Variants in TTC28 observed in about 807,000 individuals in gnomAD.
The protein encoded by TTC28 is tetratricopeptide repeat domain 28, also known as tetratricopeptide repeat protein 28.
Under a neutral mutation model 198.0 loss-of-function variants are expected in TTC28, and 61 were observed. The observed-to-expected ratio is 0.31, with a 90% CI of 0.25 to 0.38. The LOEUF (loss-of-function observed/expected upper bound fraction) is 0.38. Ranked by LOEUF, TTC28 falls within the 10% of genes least tolerant of loss-of-function variation. The pLI, the probability that TTC28 is intolerant of heterozygous loss-of-function variation, is 1.00. For missense variants in TTC28, 2,678 were observed against 3,164.0 expected (o/e 0.85, Z 3.69); for synonymous variants, 1,171 against 1,297.8 (o/e 0.90, Z 2.10).
intron 2 of TTC28, among the ~76,000 whole-genome samples, chr22:28,404,770 A>C (rs1214534601): frequency 6.6e-6 from 1 of 152,184 alleles, no homozygotes; most frequent in Non-Finnish European, 1.5e-5. Flanking sequence ...AGAAGGGCAG[A>C]GTTTTAAGGG....
At chr22:28,547,773 A>T (rs1420713056) in intron 2 of TTC28, among the ~76,000 whole-genome samples, 1 of 152,034 alleles carries the variant, frequency 6.6e-6, no homozygotes, top group Non-Finnish European at 1.5e-5. Flanking sequence ...GAAAAGTAGC[A>T]TAAAATAACT....
chr22:28,224,914 G>A (rs1281728943), intron 5 of TTC28, among the ~76,000 whole-genome samples: 1 of 152,154 alleles, frequency 6.6e-6, no homozygotes, highest in Non-Finnish European at 1.5e-5. Context: ...TCAACCCTGA[G>A]ATACATAACT....
At chr22:28,533,578 C>T (rs995881523) in intron 2 of TTC28, among the ~76,000 whole-genome samples, 2 of 152,164 alleles carry the variant, frequency 1.3e-5, no homozygotes, top group Non-Finnish European at 2.9e-5. Context: ...TCATATGGAA[C>T]CAAAACAGAG....
At chr22:28,214,536 C>A (rs1465140712) in intron 5 of TTC28, among the ~76,000 whole-genome samples, 2 of 152,194 alleles carry the variant, frequency 1.3e-5, no homozygotes, top group African/African-American at 4.8e-5. Flanking sequence ...AAAAATTGCT[C>A]ATCATCAATG....
intron 2 of TTC28, among the ~76,000 whole-genome samples, chr22:28,499,603 T>C (rs1057321925): frequency 1.3e-5 from 2 of 152,152 alleles, no homozygotes; most frequent in African/African-American, 2.4e-5. Context: ...AAGTATATCA[T>C]ATAGAGAGAT....
intron 5 of TTC28, among the ~76,000 whole-genome samples, chr22:28,239,023 C>T (rs1929465777): frequency 6.6e-6 from 1 of 152,124 alleles, no homozygotes; most frequent in Non-Finnish European, 1.5e-5. Context: ...AACAGAGTAA[C>T]TGTAAGGTTC....
At chr22:28,468,685 G>A (rs1373458424) in intron 2 of TTC28, among the ~76,000 whole-genome samples, 10 of 136,720 alleles carry the variant, frequency 7.3e-5, no homozygotes, top group African/African-American at 1.3e-4. Flanking sequence ...CAACTCGCCC[G>A]GCTAATTTTT....
At chr22:28,580,779 G>T (rs6005821) in intron 2 of TTC28, among the ~76,000 whole-genome samples, 93 of 151,944 alleles carry the variant, frequency 6.1e-4, no homozygotes, top group African/African-American at 2.1e-3. Flanking sequence ...TCTGATTTTT[G>T]GGAGAAAACC....
chr22:28,107,215 C>A lies in TTC28; in HGVS notation c.2630G>T (p.Gly877Val), dbSNP rs920822617. ...ATCCCCCAGGTTGCCATAGGCCCGGCCCCTGTCGAGCACAGACTCATTTCC... is the reference window on the plus strand; with the variant it reads ...ATCCCCCAGGTTGCCATAGGCCCGGACCCTGTCGAGCACAGACTCATTTCC... ...LSGNESVLDR[G>V]RAYGNLGDCY... Residue 877 changes from glycine (G) to valine (V), a missense_variant, in exon 7 of 23, where the codon GGC becomes GTC. Physicochemically the swap from Gly to Val is moderately radical, Grantham distance 109 (BLOSUM62 -3). Around this residue, in one of 8 missense-constraint regions of TTC28, gnomAD observed 775 missense variants for 845.9 expected, o/e 0.92. Coordinates refer to ENST00000397906, the MANE Select transcript of TTC28 (RefSeq NM_001145418.2). 1.7e-5 allele frequency: 26 copies of A among 1,551,580 alleles called. No individual in the cohort carries two copies. The highest frequency in any genetic ancestry group is 2.1e-5 in the Non-Finnish European group (24 of 1,147,002).
Position 28,165,769 on chromosome 22 carries a change from A to G in TTC28, c.934-2170T>C, listed in dbSNP as rs542755348. On this transcript the variant is annotated intron_variant, in intron 5 of 22. Transcript: ENST00000397906. ...TCCAGGCTAGGAAGAAACTGCATCAACTAACCAGCAAAATAACCAGCTAGC... is the reference window on the plus strand; with the variant it reads ...TCCAGGCTAGGAAGAAACTGCATCAGCTAACCAGCAAAATAACCAGCTAGC... Among the ~76,000 whole-genome samples, 141 of 152,374 alleles carry G rather than the reference A, an allele frequency of 9.3e-4. 1 individual carries two copies. Among genetic ancestry groups the G allele is most frequent in the African/African-American group, 3.2e-3 (134 of 41,596 alleles).
At chr22:28,382,629 C>T (rs543349762) in intron 2 of TTC28, among the ~76,000 whole-genome samples, 1 of 152,138 alleles carries the variant, frequency 6.6e-6, no homozygotes, top group African/African-American at 2.4e-5. Context: ...TAAACACCTT[C>T]AACATACTAT....
At chr22:28,413,483 A>G (rs1381801900) in intron 2 of TTC28, among the ~76,000 whole-genome samples, 3 of 152,110 alleles carry the variant, frequency 2.0e-5, no homozygotes, top group Non-Finnish European at 4.4e-5. Flanking sequence ...ACTGTATTTT[A>G]TTTTCATGAA....
intron 5 of TTC28, among the ~76,000 whole-genome samples, chr22:28,203,886 C>T (rs935270650): frequency 1.3e-5 from 2 of 152,062 alleles, no homozygotes; most frequent in Admixed American, 6.6e-5. Context: ...TGATGTTGTG[C>T]CTTCCAAAGG....
intron 12 of TTC28, among the ~76,000 whole-genome samples, chr22:28,070,973 G>C (rs1477238546): frequency 6.6e-6 from 1 of 152,190 alleles, no homozygotes; most frequent in African/African-American, 2.4e-5. Context: ...CTATGAGACA[G>C]GAGGTGAGGG....
intron 2 of TTC28, among the ~76,000 whole-genome samples, chr22:28,337,207 G>C (rs867473518): frequency 4.8e-4 from 73 of 152,308 alleles, no homozygotes; most frequent in Non-Finnish European, 6.6e-4. Context: ...CTGAGAGATA[G>C]TTTGTTATAA....
intron 1 of TTC28, among the ~76,000 whole-genome samples, chr22:28,647,962 C>T (rs2051497516): frequency 6.6e-6 from 1 of 151,970 alleles, no homozygotes. Context: ...TGGTGGCTCA[C>T]GCCTGTAATC....
chr22:28,408,214 C>A (rs1040794476), intron 2 of TTC28, among the ~76,000 whole-genome samples: 2 of 151,974 alleles, frequency 1.3e-5, no homozygotes, highest in African/African-American at 4.8e-5. Context: ...GTGGCAAATA[C>A]ACAACTTTCC....
intron 13 of TTC28, among the ~76,000 whole-genome samples, chr22:28,027,261 G>A (rs763335765): frequency 6.6e-6 from 1 of 152,152 alleles, no homozygotes; most frequent in East Asian, 1.9e-4. Flanking sequence ...TGCCCTCTGG[G>A]GCTCACACCA....
At chr22:28,209,322 C>G (rs1016220640) in intron 5 of TTC28, among the ~76,000 whole-genome samples, 3 of 152,162 alleles carry the variant, frequency 2.0e-5, no homozygotes, top group African/African-American at 7.2e-5. Context: ...AGAGTGTGAG[C>G]CAAAGCAGGG....
Sources: allele counts gnomAD v4.1 joint callset (sites outside exome capture counted in the v4.1 genomes callset), GRCh38; gene constraint gnomAD v4.1.1; regional missense constraint gnomAD v4.1.1; transcripts MANE v1.5; gene names NCBI Gene and HGNC (gene_info 2026-07-23, HGNC 2026-07-21).